The following CDON variants were observed in gnomAD, a reference collection of about 807,000 sequenced individuals.
CDON encodes cell adhesion associated, oncogene regulated, also known as cell adhesion molecule-related/down-regulated by oncogenes.
Under a neutral mutation model 120.9 loss-of-function variants are expected in CDON, and 73 were observed. That is an observed-to-expected ratio of 0.60 (90% CI 0.50 to 0.73). The LOEUF (loss-of-function observed/expected upper bound fraction) is 0.73, where lower values mean the gene tolerates loss of function less well. Ranked by LOEUF, CDON falls within the 30% of genes least tolerant of loss-of-function variation. The pLI is 0.00. For synonymous variants in CDON, 566 were observed against 573.5 expected, an observed-to-expected ratio of 0.99 and a Z score of 0.19; for missense variants, 1,470 against 1,587.3, an observed-to-expected ratio of 0.93 and a Z score of 1.26.
At chr11:125,977,714 C>T (rs1442870900) in intron 18 of CDON, among the ~76,000 whole-genome samples, 2 of 152,084 alleles carry the variant, frequency 1.3e-5, no homozygotes, top group Non-Finnish European at 2.9e-5. Context: ...GTGTTAAATG[C>T]ACATTGCTCT....
chr11:126,021,159 A>C (rs1446553510), intron 3 of CDON, 89 bp downstream of exon 3: 2 of 1,390,696 alleles, frequency 1.4e-6, no homozygotes, highest in Middle Eastern at 2.0e-4. Flanking sequence ...TTTACACCAA[A>C]GCCCATGGTC....
chr11:125,966,529 G>A (rs920945389), intron 18 of CDON, among the ~76,000 whole-genome samples: 8 of 152,108 alleles, frequency 5.3e-5, no homozygotes, highest in African/African-American at 1.9e-4. Context: ...TCTGCAGGGG[G>A]AAAGGAGAGA....
At chr11:125,984,547 A>G (rs1387932322) in intron 15 of CDON, among the ~76,000 whole-genome samples, 1 of 152,088 alleles carries the variant, frequency 6.6e-6, no homozygotes, top group Non-Finnish European at 1.5e-5. Flanking sequence ...AAATACAAAA[A>G]TTAGCTGGGC....
At chr11:126,057,605 C>T (rs1186486619) in intron 1 of CDON, among the ~76,000 whole-genome samples, 3 of 152,198 alleles carry the variant, frequency 2.0e-5, no homozygotes, top group Non-Finnish European at 4.4e-5. Flanking sequence ...TCTATATCTC[C>T]ATCTGGGTAC....
At chr11:126,062,001 G>C (rs1324381859) in intron 1 of CDON, among the ~76,000 whole-genome samples, 1 of 152,192 alleles carries the variant, frequency 6.6e-6, no homozygotes, top group East Asian at 1.9e-4. Flanking sequence ...GGAAGCTGCC[G>C]ACTGAAATAA....
intron 2 of CDON, among the ~76,000 whole-genome samples, chr11:126,022,213 C>T (rs1375905238): frequency 6.6e-6 from 1 of 151,378 alleles, no homozygotes; most frequent in Admixed American, 6.6e-5. Context: ...GATGACTTTC[C>T]AAATAAAAAG....
intron 18 of CDON, 144 bp downstream of exon 18, chr11:125,978,160 T>G: frequency 1.5e-6 from 1 of 684,132 alleles, no homozygotes; most frequent in Non-Finnish European, 2.6e-6. Flanking sequence ...GGCAAAAAAT[T>G]AGTAACAGCT....
At chr11:125,993,980 T>C (rs1052246235) in intron 14 of CDON, among the ~76,000 whole-genome samples, 1 of 152,226 alleles carries the variant, frequency 6.6e-6, no homozygotes, top group Admixed American at 6.5e-5. Context: ...GACATTATAA[T>C]GGATTTTTAT....
At chr11:125,979,492 G>A (rs549032645) in intron 17 of CDON, among the ~76,000 whole-genome samples, 4 of 152,266 alleles carry the variant, frequency 2.6e-5, no homozygotes, top group Admixed American at 2.6e-4. Flanking sequence ...TGAAGTTAGT[G>A]CAATGATTTT....
intron 18 of CDON, among the ~76,000 whole-genome samples, chr11:125,976,327 G>A (rs1377085554): frequency 6.6e-6 from 1 of 152,152 alleles, no homozygotes; most frequent in African/African-American, 2.4e-5. Flanking sequence ...GTGAGACACT[G>A]GCTAACCTTG....
intron 8 of CDON, among the ~76,000 whole-genome samples, chr11:126,008,964 A>G: frequency 6.6e-6 from 1 of 152,242 alleles, no homozygotes; most frequent in East Asian, 1.9e-4. Context: ...TTCTATTGCC[A>G]GACACCATTC....
intron 15 of CDON, 140 bp from the exon 16 acceptor site, chr11:125,984,233 G>A (rs1413265725): frequency 3.0e-6 from 2 of 676,312 alleles, no homozygotes; most frequent in Non-Finnish European, 5.2e-6. Context: ...CCACCAATGA[G>A]TCACAAAGAG....
rs529305270 is a variant in CDON at position 126,062,150 on chromosome 11, T to C, written c.-62+429A>G. Among the ~76,000 whole-genome samples the C allele has an allele frequency of 2.7e-4, 41 of 152,076 alleles. 1 individual carries two copies. Among genetic ancestry groups the C allele is most frequent in the African/African-American group, 9.2e-4 (38 of 41,464 alleles). ...AGAGAAAGATACATTGTGCAGGAAA[T>C]TTCTCTTGCTTCTCCCTACACATAA... On this transcript the variant is annotated intron_variant, in intron 1 of 19. Coordinates refer to ENST00000531738, the MANE Select transcript of CDON (RefSeq NM_001378964.1).
rs1356572846 is a variant in CDON at position 125,984,106 on chromosome 11, TA to T, written c.2774-14del. The T allele has an allele frequency of 6.4e-7, 1 of 1,559,334 alleles. No individual in the cohort carries two copies. The highest frequency in any genetic ancestry group is 2.2e-5 in the East Asian group (1 of 44,574). ...GGAACACGTTTCACTAGTTGAAATA[TA>T]AAGGAAAACATGATGTCAGAGTGAA... On this transcript the variant is annotated splice_polypyrimidine_tract_variant and intron_variant, in intron 15 of 19. Coordinates refer to ENST00000531738, the MANE Select transcript of CDON (RefSeq NM_001378964.1).
At chr11:125,989,540 C>T (rs762566550) in intron 15 of CDON, 97 bp downstream of exon 15, 54 of 1,225,228 alleles carry the variant, frequency 4.4e-5, no homozygotes, top group Non-Finnish European at 6.2e-5. Flanking sequence ...TGTCTCAAAA[C>T]AAGACAAAAC....
intron 1 of CDON, among the ~76,000 whole-genome samples, chr11:126,039,975 G>A (rs1489213629): frequency 2.0e-5 from 3 of 151,862 alleles, no homozygotes; most frequent in African/African-American, 4.8e-5. Context: ...TTTTCCTTCC[G>A]CACTTATGGC....
chr11:126,046,965 G>A (rs190100028), intron 1 of CDON, among the ~76,000 whole-genome samples: 2 of 152,326 alleles, frequency 1.3e-5, no homozygotes, highest in Admixed American at 6.5e-5. Context: ...AAGAACAGAT[G>A]TAACAATCAT....
At chr11:126,006,433 C>T (rs1192243277) in intron 8 of CDON, among the ~76,000 whole-genome samples, 1 of 152,008 alleles carries the variant, frequency 6.6e-6, no homozygotes, top group African/African-American at 2.4e-5. Flanking sequence ...TTTGGGAGGC[C>T]GAGGCAGGGG....
intron 4 of CDON, among the ~76,000 whole-genome samples, chr11:126,018,953 A>G (rs1346240564): frequency 6.6e-6 from 1 of 152,230 alleles, no homozygotes; most frequent in Non-Finnish European, 1.5e-5. Context: ...TCAAGGCAGA[A>G]TAGAAAAAAA....
Sources: allele counts gnomAD v4.1 joint callset (sites outside exome capture counted in the v4.1 genomes callset), GRCh38; gene constraint gnomAD v4.1.1; transcripts MANE v1.5; gene names NCBI Gene and HGNC (gene_info 2026-07-23, HGNC 2026-07-21).